Variants in SPAG16 observed in about 807,000 individuals in gnomAD.
SPAG16 encodes the protein sperm-associated antigen 16 protein.
Under a neutral mutation model 80.4 loss-of-function variants are expected in SPAG16, and 86 were observed. That is an observed-to-expected ratio of 1.07 (90% CI 0.90 to 1.28). The LOEUF is 1.28. Ranked by LOEUF, SPAG16 falls within the 50% of genes most tolerant of loss-of-function variation. The probability of loss-of-function intolerance (pLI) is 0.00; values close to 1 mark genes in which losing one functional copy is unlikely to be tolerated. For synonymous variants in SPAG16, 294 were observed against 265.9 expected, an observed-to-expected ratio of 1.11 and a Z score of -1.03; for missense variants, 870 against 765.3, an observed-to-expected ratio of 1.14 and a Z score of -1.61.
At chr2:213,930,229 T>C (rs1265872143) in intron 12 of SPAG16, 84 bp downstream of exon 12, 6 of 958,746 alleles carry the variant, frequency 6.3e-6, no homozygotes, top group Middle Eastern at 2.7e-4. Flanking sequence ...TTTTTTTTCC[T>C]TGATGCTACC....
intron 9 of SPAG16, among the ~76,000 whole-genome samples, chr2:213,462,479 A>T (rs2072431569): frequency 6.7e-6 from 1 of 149,854 alleles, no homozygotes; most frequent in Admixed American, 6.6e-5. Context: ...ATATGACTAG[A>T]CTGTGTCCCT....
At chr2:214,330,398 G>A (rs1180751624) in intron 15 of SPAG16, among the ~76,000 whole-genome samples, 1 of 152,114 alleles carries the variant, frequency 6.6e-6, no homozygotes, top group African/African-American at 2.4e-5. Flanking sequence ...AAATGGAAAT[G>A]TTGCAGGAAA....
At chr2:213,420,551 T>C (rs2069522743) in intron 9 of SPAG16, among the ~76,000 whole-genome samples, 1 of 152,210 alleles carries the variant, frequency 6.6e-6, no homozygotes. Flanking sequence ...TGCACAGCAG[T>C]GAAGGACGTG....
At chr2:214,341,652 TA>T (rs776524149) in intron 15 of SPAG16, among the ~76,000 whole-genome samples, 15 of 152,274 alleles carry the variant, frequency 9.9e-5, no homozygotes, top group Non-Finnish European at 1.8e-4. Flanking sequence ...TGAGAGAAAA[TA>T]CTTTCAATCT....
At chr2:213,539,189 T>C (rs1437251128) in intron 10 of SPAG16, among the ~76,000 whole-genome samples, 1 of 152,176 alleles carries the variant, frequency 6.6e-6, no homozygotes, top group East Asian at 1.9e-4. Flanking sequence ...CGTAGATTCA[T>C]AGTACAACAT....
chr2:214,397,443 C>T (rs1021937736), intron 15 of SPAG16, among the ~76,000 whole-genome samples: 3 of 152,092 alleles, frequency 2.0e-5, no homozygotes, highest in Non-Finnish European at 4.4e-5. Flanking sequence ...CAGGCGTGAG[C>T]CCCCGCGCCC....
intron 15 of SPAG16, among the ~76,000 whole-genome samples, chr2:214,385,208 G>C (rs1700679782): frequency 1.3e-5 from 2 of 152,190 alleles, no homozygotes; most frequent in Admixed American, 6.5e-5. Flanking sequence ...TCACTCAATA[G>C]TTGTATGCTC....
intron 15 of SPAG16, among the ~76,000 whole-genome samples, chr2:214,294,099 T>C (rs1693979177): frequency 6.6e-6 from 1 of 152,210 alleles, no homozygotes; most frequent in South Asian, 2.1e-4. Flanking sequence ...AATGGTGCCA[T>C]ATTGCAGCTG....
chr2:214,294,575 A>G (rs1364834089), intron 15 of SPAG16, among the ~76,000 whole-genome samples: 1 of 152,186 alleles, frequency 6.6e-6, no homozygotes, highest in Non-Finnish European at 1.5e-5. Context: ...AAGAGCCTAG[A>G]TCTGTGATGA....
chr2:213,944,979 A>T (rs752206426), intron 12 of SPAG16, among the ~76,000 whole-genome samples: 1 of 152,088 alleles, frequency 6.6e-6, no homozygotes, highest in Non-Finnish European at 1.5e-5. Context: ...TGGATGTTGC[A>T]ATGAGCCAAG....
chr2:213,400,736 CCT>C (rs2068266735), intron 9 of SPAG16, among the ~76,000 whole-genome samples: 1 of 152,092 alleles, frequency 6.6e-6, no homozygotes, highest in East Asian at 1.9e-4. Context: ...TGTGGAATTA[CCT>C]TTCAGAAATA....
At chr2:213,694,235 G>A (rs1386874626) in intron 10 of SPAG16, among the ~76,000 whole-genome samples, 4 of 152,086 alleles carry the variant, frequency 2.6e-5, no homozygotes, top group Non-Finnish European at 4.4e-5. Context: ...GCATTTATTA[G>A]CACAGTAAAA....
chr2:214,237,721 C>A (rs1158370705), intron 15 of SPAG16, among the ~76,000 whole-genome samples: 4 of 151,886 alleles, frequency 2.6e-5, no homozygotes, highest in Non-Finnish European at 5.9e-5. Context: ...TATATCTTTA[C>A]TTCATCTCAT....
At chr2:213,986,536 G>A (rs767393162) in intron 12 of SPAG16, among the ~76,000 whole-genome samples, 1 of 151,760 alleles carries the variant, frequency 6.6e-6, no homozygotes, top group Non-Finnish European at 1.5e-5. Flanking sequence ...TAAGTAAAAG[G>A]AAATTAAAAC....
intron 15 of SPAG16, among the ~76,000 whole-genome samples, chr2:214,200,979 G>C (rs939484520): frequency 1.3e-5 from 2 of 152,076 alleles, no homozygotes; most frequent in East Asian, 3.9e-4. Flanking sequence ...TGCTTCTTCC[G>C]GCCAATTAAC....
intron 6 of SPAG16, among the ~76,000 whole-genome samples, chr2:213,341,539 T>C (rs1190756312): frequency 6.6e-6 from 1 of 152,142 alleles, no homozygotes; most frequent in Non-Finnish European, 1.5e-5. Flanking sequence ...TGTTGTTTTG[T>C]TTTGCTTTTT....
At chr2:213,519,257 T>A (rs966275411) in intron 10 of SPAG16, among the ~76,000 whole-genome samples, 1 of 152,232 alleles carries the variant, frequency 6.6e-6, no homozygotes, top group East Asian at 1.9e-4. Context: ...CCCTTACTTT[T>A]AAAAAAGTTA....
chr2:213,945,782 C>G (rs949393478), intron 12 of SPAG16, among the ~76,000 whole-genome samples: 2 of 152,032 alleles, frequency 1.3e-5, no homozygotes, highest in Non-Finnish European at 2.9e-5. Context: ...TTAGATCTGA[C>G]GGCAACTTAA....
chr2:213,579,862 G>A (rs985075231), intron 10 of SPAG16, among the ~76,000 whole-genome samples: 4 of 152,020 alleles, frequency 2.6e-5, no homozygotes, highest in African/African-American at 9.7e-5. Flanking sequence ...AGATGACATT[G>A]TGATCAACAA....
Sources: allele counts gnomAD v4.1 joint callset (sites outside exome capture counted in the v4.1 genomes callset), GRCh38; gene constraint gnomAD v4.1.1; transcripts MANE v1.5; gene names NCBI Gene and HGNC (gene_info 2026-07-23, HGNC 2026-07-21).